The following LRRK1 variants were observed in gnomAD, a reference collection of about 807,000 sequenced individuals.
LRRK1 encodes leucine-rich repeat serine/threonine-protein kinase 1.
In LRRK1, 113 loss-of-function variants were observed where a neutral mutation model predicts 209.1. The observed-to-expected ratio is 0.54, with a 90% CI of 0.46 to 0.63. The LOEUF (loss-of-function observed/expected upper bound fraction) is 0.63, where lower values mean the gene tolerates loss of function less well. LRRK1 is among the 30% of genes least tolerant of loss of function. The pLI is 0.00. For synonymous variants in LRRK1, 1,144 were observed against 1,099.7 expected (o/e 1.04, Z -0.80); for missense variants, 2,284 against 2,632.2 (o/e 0.87, Z 2.89).
intron 3 of LRRK1, 44 bp downstream of exon 3, chr15:100,974,011 CTGGACGAAGGGGACCG>C: frequency 1.6e-6 from 2 of 1,237,572 alleles, no homozygotes; most frequent in East Asian, 6.3e-5. Flanking sequence ...CAGCCCCGGG[CTGGACGAAGGGGACCG>C]CTCAGATGAT....
intron 6 of LRRK1, among the ~76,000 whole-genome samples, chr15:100,992,075 ATATTT>A (rs1159158875): frequency 6.6e-6 from 1 of 152,050 alleles, no homozygotes; most frequent in African/African-American, 2.4e-5. Flanking sequence ...TGATCTATTG[ATATTT>A]TATTTACAGT....
intron 29 of LRRK1, among the ~76,000 whole-genome samples, chr15:101,060,753 C>T (rs922018494): frequency 1.1e-4 from 16 of 152,152 alleles, no homozygotes; most frequent in African/African-American, 2.9e-4. Flanking sequence ...TCAGAGCACT[C>T]GTGCTGGGAG....
intron 2 of LRRK1, among the ~76,000 whole-genome samples, chr15:100,935,900 A>C (rs1279118616): frequency 6.6e-6 from 1 of 152,112 alleles, no homozygotes; most frequent in African/African-American, 2.4e-5. Flanking sequence ...CATCCACCGC[A>C]TGTCTAGCCC....
At chr15:101,025,021 C>G in intron 16 of LRRK1, 54 bp downstream of exon 16, 1 of 1,541,904 alleles carries the variant, frequency 6.5e-7, no homozygotes, top group Admixed American at 1.7e-5. Flanking sequence ...CTTTGCAGGT[C>G]CCACCGCTTC....
intron 2 of LRRK1, among the ~76,000 whole-genome samples, chr15:100,950,971 C>A (rs902799663): frequency 6.6e-6 from 1 of 152,120 alleles, no homozygotes; most frequent in African/African-American, 2.4e-5. Flanking sequence ...GGCGTGGTGG[C>A]GGGCGCCTGT....
rs193121727 is a variant in LRRK1 at position 100,948,690 on chromosome 15, T to C, written c.97+23961T>C. Among the ~76,000 whole-genome samples the C allele has an allele frequency of 3.3e-5, 5 of 152,200 alleles. No individual in the cohort carries two copies. The East Asian group carries it at 9.6e-4, about 29-fold the overall frequency. On this transcript the variant is annotated intron_variant, in intron 2 of 33. Coordinates refer to ENST00000388948, the MANE Select transcript of LRRK1 (RefSeq NM_024652.6). ...TACAAAATATATTCGGTGACCACAA[T>C]AGAAAGAAGTTAGAAATCAATAACA...
In LRRK1 at chr15:101,027,494, T is replaced by C. The variant is rs2034088264; in HGVS notation, c.2526+113T>C. Reference sequence around the variant, plus strand: ...ATGTCTGTGTGGCAAGGCTCGGTGGTTCCTGGTGAGGGAGGGTCAGGATGG... The same window carrying C: ...ATGTCTGTGTGGCAAGGCTCGGTGGCTCCTGGTGAGGGAGGGTCAGGATGG... On this transcript the variant is annotated intron_variant, in intron 18 of 33. Transcript: ENST00000388948. The surrounding 1 kb of genome is among the most constrained non-coding windows in gnomAD (Gnocchi z 5.1). The C allele has an allele frequency of 6.6e-7, 1 of 1,518,310 alleles. No homozygotes were observed. The highest frequency in any genetic ancestry group is 2.0e-5 in the Admixed American group (1 of 50,418). The allele number at this position is 1,518,310 out of a possible 1,614,324, so 94.1% of individuals were successfully genotyped here.
chr15:101,058,323 C>T (rs778560892), intron 29 of LRRK1, among the ~76,000 whole-genome samples, 182 bp downstream of exon 29: 5 of 152,098 alleles, frequency 3.3e-5, no homozygotes, highest in African/African-American at 4.8e-5. Context: ...CACAAAGAGA[C>T]GTGCATGTAT....
intron 2 of LRRK1, among the ~76,000 whole-genome samples, chr15:100,941,356 G>GTC (rs2042412970): frequency 8.6e-6 from 1 of 115,914 alleles, no homozygotes; most frequent in African/African-American, 3.5e-5. Flanking sequence ...CTTTGTGTGT[G>GTC]TGTGTGTGTG....
At chr15:101,055,714 A>G (rs1206231044) in intron 27 of LRRK1, among the ~76,000 whole-genome samples, 2 of 152,192 alleles carry the variant, frequency 1.3e-5, no homozygotes, top group Non-Finnish European at 2.9e-5. Context: ...TCCCCTGGCA[A>G]CTGCACTGCC....
intron 20 of LRRK1, among the ~76,000 whole-genome samples, chr15:101,037,396 G>A (rs2034534462): frequency 6.6e-6 from 1 of 152,188 alleles, no homozygotes. Flanking sequence ...CACTGAGCTG[G>A]GCAGTCCCTC....
chr15:101,018,930 C>T (rs2033661629), intron 12 of LRRK1, among the ~76,000 whole-genome samples: 2 of 152,280 alleles, frequency 1.3e-5, no homozygotes, highest in Non-Finnish European at 2.9e-5. Flanking sequence ...AGCTTGTTTG[C>T]AGTAGGATAG....
intron 2 of LRRK1, among the ~76,000 whole-genome samples, chr15:100,931,644 G>A (rs1326069374): frequency 6.6e-6 from 1 of 152,182 alleles, no homozygotes; most frequent in Non-Finnish European, 1.5e-5. Context: ...TGGTGGGGCT[G>A]GCGCGGGAGG....
At chr15:100,926,164 G>A (rs2042105877) in intron 2 of LRRK1, among the ~76,000 whole-genome samples, 1 of 152,216 alleles carries the variant, frequency 6.6e-6, no homozygotes, top group African/African-American at 2.4e-5. Context: ...TTTCCAGAGT[G>A]TTCAACTTGC....
intron 2 of LRRK1, among the ~76,000 whole-genome samples, chr15:100,941,464 C>CTGTGTGTGTCTGTGTGTGTGTGTGTGTG (rs2042432624): frequency 1.1e-5 from 1 of 88,740 alleles, no homozygotes; most frequent in African/African-American, 5.1e-5. Context: ...GTCTATGTCT[C>CTGTGTGTGTCTGTGTGTGTGTGTGTGTG]TGTGTGTGTG....
At chr15:100,939,372 C>G (rs562366084) in intron 2 of LRRK1, among the ~76,000 whole-genome samples, 1 of 152,142 alleles carries the variant, frequency 6.6e-6, no homozygotes, top group African/African-American at 2.4e-5. Context: ...TATGTGTGGC[C>G]TGACATGTTC....
chr15:100,923,223 G>A (rs951159266), intron 1 of LRRK1, among the ~76,000 whole-genome samples: 5 of 152,122 alleles, frequency 3.3e-5, no homozygotes, highest in Non-Finnish European at 5.9e-5. Flanking sequence ...TAGCAGGCCC[G>A]GGCATAAGGG....
At chr15:100,976,159 G>A (rs1596225423) in intron 3 of LRRK1, among the ~76,000 whole-genome samples, 1 of 151,446 alleles carries the variant, frequency 6.6e-6, no homozygotes, top group Non-Finnish European at 1.5e-5. Context: ...AACCATGAAG[G>A]AAATAAATCA....
Position 100,924,520 on chromosome 15 carries a change from G to T in LRRK1, c.-113G>T. 1 of 828,206 alleles carries T rather than the reference G, an allele frequency of 1.2e-6. No individual in the cohort carries two copies. The highest frequency in any genetic ancestry group is 2.0e-6 in the Non-Finnish European group (1 of 504,402). 51.3% of individuals were successfully genotyped at this position (828,206 alleles called of 1,614,324 possible). A position where few individuals can be genotyped will look rare whatever the true frequency, so the allele number is the denominator to read the frequency against. ...TGTTTTTCGCCACCAGAGCAAGAAA[G>T]CTTTCTGCTCAGCCATGGCTACGAG... is the stretch of plus-strand genomic sequence containing the variant. On this transcript the variant is annotated 5_prime_UTR_variant, in exon 2 of 34. Coordinates refer to ENST00000388948, the MANE Select transcript of LRRK1 (RefSeq NM_024652.6).
Sources: allele counts gnomAD v4.1 joint callset (sites outside exome capture counted in the v4.1 genomes callset), GRCh38; gene constraint gnomAD v4.1.1; non-coding constraint Gnocchi (gnomAD v3.1); transcripts MANE v1.5; gene names NCBI Gene and HGNC (gene_info 2026-07-23, HGNC 2026-07-21).